DPF3: variants seen among roughly 807,000 people sequenced by gnomAD.
The protein encoded by DPF3 is zinc finger protein DPF3.
Under a neutral mutation model 56.8 loss-of-function variants are expected in DPF3, and 18 were observed. That is an observed-to-expected ratio of 0.32 (90% CI 0.22 to 0.47). DPF3 has a LOEUF of 0.47. Ranked by LOEUF, DPF3 falls within the 20% of genes least tolerant of loss-of-function variation. The probability of loss-of-function intolerance (pLI) is 1.00; values close to 1 mark genes in which losing one functional copy is unlikely to be tolerated. For missense variants in DPF3, 403 were observed against 488.8 expected (o/e 0.82, Z 1.65); for synonymous variants, 188 against 180.2 (o/e 1.04, Z -0.35).
chr14:72,632,578 AAGG>A (rs948060049), intron 8 of DPF3, among the ~76,000 whole-genome samples: 3 of 149,754 alleles, frequency 2.0e-5, no homozygotes, highest in Non-Finnish European at 3.0e-5. Flanking sequence ...AGATAAGAAA[AAGG>A]AGAGAGAGAG....
intron 1 of DPF3, among the ~76,000 whole-genome samples, chr14:72,813,265 G>A (rs1402996994): frequency 6.6e-6 from 1 of 152,144 alleles, no homozygotes; most frequent in East Asian, 1.9e-4. Context: ...GTAGCAGGGA[G>A]TACCGTGGGT....
intron 2 of DPF3, among the ~76,000 whole-genome samples, chr14:72,766,432 T>G (rs908121171): frequency 3.5e-4 from 53 of 152,176 alleles, no homozygotes; most frequent in Non-Finnish European, 1.2e-4. Flanking sequence ...TACCTATCTA[T>G]CTAGCTATCT....
intron 5 of DPF3, among the ~76,000 whole-genome samples, chr14:72,718,254 C>A (rs1019892372): frequency 6.6e-6 from 1 of 152,190 alleles, no homozygotes; most frequent in Non-Finnish European, 1.5e-5. Flanking sequence ...AGTGGCCTGG[C>A]AGCTTTTCAA....
chr14:72,756,877 G>GAAA (rs1890833880), intron 2 of DPF3, among the ~76,000 whole-genome samples: 1 of 66,620 alleles, frequency 1.5e-5, no homozygotes, highest in African/African-American at 7.2e-5. Flanking sequence ...AGAAAGGAAG[G>GAAA]AAAGAAGGAA....
intron 1 of DPF3, among the ~76,000 whole-genome samples, chr14:72,777,935 A>T (rs1891813659): frequency 6.6e-6 from 1 of 152,154 alleles, no homozygotes; most frequent in African/African-American, 2.4e-5. Flanking sequence ...CTTTATAGCA[A>T]TACAAGAATG....
At chr14:72,706,983 A>C (rs1360514348) in intron 6 of DPF3, among the ~76,000 whole-genome samples, 2 of 150,494 alleles carry the variant, frequency 1.3e-5, no homozygotes, top group Non-Finnish European at 3.0e-5. Context: ...CCCCTCCCCC[A>C]ACCCCACAAC....
At position 72,676,242 on chromosome 14, in the gene DPF3, GTTAC is replaced by G. The variant is rs1007478244; in HGVS notation, c.743-1878_743-1875del. Among the ~76,000 whole-genome samples, 8 of 152,296 alleles carry G rather than the reference GTTAC, an allele frequency of 5.3e-5. No individual in the cohort carries two copies. In the South Asian group the frequency reaches 1.7e-3, roughly 32 times the overall value. Reference sequence around the variant, plus strand: ...GATATAAAATGTGGAGATGCCAGTTGTTACTTAGGTAGCTTCCTGTATGGAAGGC... The same window carrying G: ...GATATAAAATGTGGAGATGCCAGTTGTTAGGTAGCTTCCTGTATGGAAGGC... On this transcript the variant is annotated intron_variant, in intron 7 of 10. Coordinates refer to ENST00000556509, the MANE Select transcript of DPF3 (RefSeq NM_001280542.3).
intron 1 of DPF3, among the ~76,000 whole-genome samples, chr14:72,812,159 T>C (rs1446156928): frequency 6.6e-6 from 1 of 151,874 alleles, no homozygotes; most frequent in Non-Finnish European, 1.5e-5. Context: ...GAGATACCAG[T>C]GTAGTCCCCC....
intron 1 of DPF3, among the ~76,000 whole-genome samples, chr14:72,793,344 G>C (rs1035149498): frequency 1.3e-5 from 2 of 152,294 alleles, no homozygotes; most frequent in African/African-American, 4.8e-5. Flanking sequence ...AGACAGCTGA[G>C]GTCACTTGCT....
chr14:72,736,950 G>C (rs991895734), intron 3 of DPF3, among the ~76,000 whole-genome samples: 1 of 151,298 alleles, frequency 6.6e-6, no homozygotes, highest in Non-Finnish European at 1.5e-5. Context: ...TCTCCAGAGC[G>C]GCAGCAGCTG....
intron 1 of DPF3, among the ~76,000 whole-genome samples, chr14:72,848,196 C>T (rs570901019): frequency 5.3e-5 from 8 of 152,026 alleles, no homozygotes; most frequent in African/African-American, 9.6e-5. Flanking sequence ...CTCGCTCTGT[C>T]GCCCAGGCTG....
At chr14:72,849,337 C>T (rs866718023) in intron 1 of DPF3, among the ~76,000 whole-genome samples, 17 of 152,312 alleles carry the variant, frequency 1.1e-4, no homozygotes, top group Admixed American at 2.6e-4. Flanking sequence ...GGAGACATGA[C>T]GGCAGAGGGC....
intron 1 of DPF3, among the ~76,000 whole-genome samples, chr14:72,841,912 T>G (rs540714313): frequency 1.3e-4 from 20 of 152,082 alleles, no homozygotes; most frequent in African/African-American, 4.8e-4. Context: ...ATGAGACTCC[T>G]CTCTCTACAA....
At chr14:72,771,970 A>T in intron 1 of DPF3, 77 bp from the exon 2 acceptor site, 1 of 1,367,538 alleles carries the variant, frequency 7.3e-7, no homozygotes, top group Non-Finnish European at 9.4e-7. Flanking sequence ...CCCAGAGGGA[A>T]ACACACCTCC....
intron 7 of DPF3, among the ~76,000 whole-genome samples, chr14:72,688,818 C>G (rs1887546417): frequency 6.6e-6 from 1 of 152,164 alleles, no homozygotes; most frequent in Admixed American, 6.5e-5. Context: ...CAGCCTCATG[C>G]AGGGAGAGGG....
At chr14:72,631,369 T>C (rs1440009194) in intron 8 of DPF3, among the ~76,000 whole-genome samples, 1 of 152,180 alleles carries the variant, frequency 6.6e-6, no homozygotes, top group African/African-American at 2.4e-5. Flanking sequence ...CAGCTGATAT[T>C]CTTGAAAGCA....
chr14:72,711,631 G>T (rs193047659), intron 6 of DPF3, among the ~76,000 whole-genome samples: 22 of 152,190 alleles, frequency 1.4e-4, no homozygotes, highest in Middle Eastern at 6.8e-3. Flanking sequence ...CTATGGGGTG[G>T]GGCCCTAAGT....
chr14:72,699,713 A>C (rs764476915), intron 6 of DPF3, among the ~76,000 whole-genome samples: 6 of 152,118 alleles, frequency 3.9e-5, no homozygotes, highest in Non-Finnish European at 7.4e-5. Flanking sequence ...GACTCACAGC[A>C]ACCTGCATCC....
At chr14:72,887,522 A>G (rs1886594655) in intron 1 of DPF3, among the ~76,000 whole-genome samples, 1 of 152,208 alleles carries the variant, frequency 6.6e-6, no homozygotes, top group African/African-American at 2.4e-5. Flanking sequence ...CCAGTCTTAA[A>G]TGTTCTCTTT....
Sources: allele counts gnomAD v4.1 joint callset (sites outside exome capture counted in the v4.1 genomes callset), GRCh38; gene constraint gnomAD v4.1.1; transcripts MANE v1.5; gene names NCBI Gene and HGNC (gene_info 2026-07-23, HGNC 2026-07-21).